The following SYMPK variants were observed in gnomAD, a reference collection of about 807,000 sequenced individuals.
The protein encoded by SYMPK is symplekin.
SYMPK carries 49 observed loss-of-function variants against 136.4 expected under a neutral mutation model. The ratio of observed to expected loss-of-function variants is 0.36; its 90% CI spans 0.29 to 0.46. The LOEUF is 0.46. Ranked by LOEUF, SYMPK falls within the 20% of genes least tolerant of loss-of-function variation. The pLI, the probability that SYMPK is intolerant of heterozygous loss-of-function variation, is 1.00. For missense variants in SYMPK, 1,365 were observed against 1,690.0 expected, an observed-to-expected ratio of 0.81 and a Z score of 3.37; for synonymous variants, 766 against 713.0, an observed-to-expected ratio of 1.07 and a Z score of -1.19.
chr19:45,856,437 C>G (rs894024004), intron 1 of SYMPK, among the ~76,000 whole-genome samples: 3 of 152,052 alleles, frequency 2.0e-5, no homozygotes, highest in Non-Finnish European at 4.4e-5. Context: ...CCATTTTTGT[C>G]AAGTATGTGT....
chr19:45,862,672 G>A (rs56791039), intron 1 of SYMPK: 90 of 175,268 alleles, frequency 5.1e-4, no homozygotes, highest in African/African-American at 2.0e-3. Flanking sequence ...AGACCCGAAG[G>A]ATGAAATGGG....
intron 8 of SYMPK, chr19:45,842,766 C>T (rs1971473003): frequency 2.3e-6 from 1 of 435,246 alleles, no homozygotes; most frequent in Non-Finnish European, 4.1e-6. Context: ...TCTGGAAATT[C>T]ACATATGCTT....
Position 45,830,066 on chromosome 19 carries a change from G to A in SYMPK, c.1737C>T (p.Ser579=), listed in dbSNP as rs761825704. 5.2e-6 allele frequency: 8 copies of A among 1,552,918 alleles called. No homozygotes were observed. Among genetic ancestry groups the A allele is most frequent in the Middle Eastern group, 1.7e-4 (1 of 5,988 alleles). The change falls in exon 13 of 27, where the codon AGC becomes AGT. Residue 579 remains serine, a synonymous_variant. Transcript: ENST00000245934. ...GGCAGGCGCACACCTGGGCTGCCCC[G>A]CTGCAGGCCACAGCCTTCTCAGCCC... ...ILRAEKAVAC[S]GAAQVRIKIL...
At chr19:45,828,609 C>A (rs947882217) in intron 14 of SYMPK, 2 of 259,708 alleles carry the variant, frequency 7.7e-6, no homozygotes, top group African/African-American at 4.4e-5. Flanking sequence ...GAGGAAGCTA[C>A]AGAACCAACT....
intron 19 of SYMPK, 71 bp downstream of exon 19, chr19:45,823,696 A>C: frequency 7.3e-7 from 1 of 1,368,062 alleles, no homozygotes; most frequent in Non-Finnish European, 1.0e-6. Flanking sequence ...CCAGCAGCTC[A>C]GATCCCCAGG....
At chr19:45,838,249 G>C (rs1336042698) in intron 10 of SYMPK, among the ~76,000 whole-genome samples, 1 of 151,808 alleles carries the variant, frequency 6.6e-6, no homozygotes, top group African/African-American at 2.4e-5. Flanking sequence ...CACTATGATT[G>C]GAAGCTTCCT....
At chr19:45,860,184 G>A (rs950397019) in intron 1 of SYMPK, among the ~76,000 whole-genome samples, 3 of 151,722 alleles carry the variant, frequency 2.0e-5, no homozygotes, top group East Asian at 3.9e-4. Flanking sequence ...GGCCGGGCAC[G>A]GTGGCTCAAG....
Position 45,833,327 on chromosome 19 carries a change from C to T in SYMPK, c.1394-1739G>A, listed in dbSNP as rs1328033447. Among the ~76,000 whole-genome samples, 9 of 152,146 alleles carry T rather than the reference C, an allele frequency of 5.9e-5. No individual in the cohort carries two copies. In the East Asian group the frequency reaches 1.3e-3, roughly 23 times the overall value. On this transcript the variant is annotated intron_variant, in intron 11 of 26. Transcript: ENST00000245934. Reference sequence around the variant, plus strand: ...AAGAATAGGTAAAACTAGGGCCGGGCGCGGTGGCTCACACCCGAAATCCCA... The same window carrying T: ...AAGAATAGGTAAAACTAGGGCCGGGTGCGGTGGCTCACACCCGAAATCCCA...
chr19:45,856,001 T>C (rs904213679), intron 1 of SYMPK, among the ~76,000 whole-genome samples: 9 of 150,884 alleles, frequency 6.0e-5, no homozygotes, highest in Non-Finnish European at 8.9e-5. Flanking sequence ...ATATATATGT[T>C]AAAAAAGGAA....
rs369420225 is a variant in SYMPK at position 45,829,266 on chromosome 19, G to A, written c.1750-61C>T. 2.2e-4 allele frequency: 316 copies of A among 1,432,718 alleles called. 3 individuals are homozygous for A. The highest frequency in any genetic ancestry group is 2.2e-3 in the Middle Eastern group (12 of 5,562). 88.8% of individuals were successfully genotyped at this position (1,432,718 alleles called of 1,614,324 possible). A position where few individuals can be genotyped will look rare whatever the true frequency, so the allele number is the denominator to read the frequency against. On this transcript the variant is annotated intron_variant, in intron 13 of 26. Transcript: ENST00000245934. ...TGGGCAATCCAGGGACTCCGCAATC[G>A]TGCCCTGCGACTTCTCCCACCCAGA...
rs1971505798 is a variant in SYMPK, at chr19:45,844,023, G to A, written c.847+7C>T. ...AGGCAGGGGGAGGGGGGAGGACAAT[G>A]ACCTACCATGCAGAGTTTCATAGGC... On this transcript the variant is annotated splice_region_variant and intron_variant, in intron 8 of 26. Coordinates refer to ENST00000245934, the MANE Select transcript of SYMPK (RefSeq NM_004819.3). The A allele has an allele frequency of 7.0e-7, 1 of 1,423,014 alleles. No individual in the cohort carries two copies. The highest frequency in any genetic ancestry group is 9.4e-7 in the Non-Finnish European group (1 of 1,067,242). 88.1% of individuals were successfully genotyped at this position (1,423,014 alleles called of 1,614,324 possible). A position where few individuals can be genotyped will look rare whatever the true frequency, so the allele number is the denominator to read the frequency against.
chr19:45,835,275 GA>G (rs1193820472), intron 10 of SYMPK, 47 bp from the exon 11 acceptor site: 1 of 1,517,374 alleles, frequency 6.6e-7, no homozygotes, highest in Non-Finnish European at 8.9e-7. Flanking sequence ...ATTAACTCAA[GA>G]AGCATTCTTT....
chr19:45,830,475 TG>T, intron 12 of SYMPK: 1 of 411,376 alleles, frequency 2.4e-6, no homozygotes, highest in Non-Finnish European at 4.6e-6. Flanking sequence ...CACAAATGTC[TG>T]GGGGACCAGC....
Position 45,816,498 on chromosome 19 carries a change from G to A in SYMPK, c.3338C>T (p.Ala1113Val), listed in dbSNP as rs943389564. 9 of 1,612,720 alleles carry A rather than the reference G, an allele frequency of 5.6e-6. No individual in the cohort carries two copies. Among genetic ancestry groups the A allele is most frequent in the East Asian group, 4.5e-5 (2 of 44,866 alleles). ...KQEPEAKEAP[A>V]GPLEEDDLEP... is the part of the protein sequence containing the mutation. ...GGCCCTCACCTCCTCCAAGGGCCCC[G>A]CAGGCGCCTCCTTGGCCTCTGGCTC... The change falls in exon 25 of 27, where the codon GCG becomes GTG. Residue 1113 changes from alanine to valine, a missense_variant. Ala to Val is a moderately conservative substitution (Grantham distance 64, BLOSUM62 0). This residue lies in a region of SYMPK where 341 missense variants were observed against 270.5 expected (regional missense o/e 1.26). Transcript: ENST00000245934.
intron 13 of SYMPK, among the ~76,000 whole-genome samples, chr19:45,829,810 C>T (rs1402714064): frequency 6.6e-6 from 1 of 152,258 alleles, no homozygotes; most frequent in African/African-American, 2.4e-5. Context: ...CCTCCCAGCA[C>T]CTGCCCTGTG....
intron 1 of SYMPK, chr19:45,855,695 A>C (rs914386644): frequency 9.1e-6 from 1 of 109,788 alleles, no homozygotes; most frequent in African/African-American, 2.7e-5. Context: ...TCTGTTTTAC[A>C]AAAAAAAAAG....
intron 8 of SYMPK, 57 bp from the exon 9 acceptor site, chr19:45,842,546 G>A: frequency 6.3e-7 from 1 of 1,584,884 alleles, no homozygotes; most frequent in Non-Finnish European, 8.6e-7. Context: ...CATGCTGCCA[G>A]TCTTAATTCT....
In SYMPK at chr19:45,821,340, C is replaced by A; in HGVS notation, c.2893+44G>T. ...GTGGGTGACTGAGGTCCTGCCCTGG[C>A]GTCGCAGGGGCCAGGCCACTGGAGT... On this transcript the variant is annotated intron_variant, in intron 22 of 26. Coordinates refer to ENST00000245934, the MANE Select transcript of SYMPK (RefSeq NM_004819.3). This position sits in a 1 kb window ranked among gnomAD's most constrained non-coding sequence, Gnocchi z 4.4. 1 of 1,462,694 alleles carries A rather than the reference C, an allele frequency of 6.8e-7. No individual in the cohort carries two copies. The highest frequency in any genetic ancestry group is 9.6e-7 in the Non-Finnish European group (1 of 1,044,166). 90.6% of individuals were successfully genotyped at this position (1,462,694 alleles called of 1,614,324 possible).
chr19:45,858,927 G>GATTT (rs34339064), intron 1 of SYMPK, among the ~76,000 whole-genome samples: 59,911 of 150,570 alleles, frequency 0.4, 12,280 homozygotes, highest in East Asian at 0.52. Context: ...CGAGGACAGT[G>GATTT]ATTTATTTAT....
Sources: gnomAD v4.1 joint callset for allele counts (sites outside exome capture counted in the v4.1 genomes callset) on GRCh38, gnomAD v4.1.1 for gene constraint, gnomAD v4.1.1 regional missense constraint, Gnocchi (gnomAD v3.1) non-coding constraint, MANE v1.5 for transcripts, NCBI Gene and HGNC (gene_info 2026-07-23, HGNC 2026-07-21) for gene names.